The following ZBTB20 variants were observed in gnomAD, a reference collection of about 807,000 sequenced individuals.
ZBTB20 encodes the protein zinc finger and BTB domain containing 20, also known as zinc finger and BTB domain-containing protein 20.
Under a neutral mutation model 56.9 loss-of-function variants are expected in ZBTB20, and 9 were observed. The ratio of observed to expected loss-of-function variants is 0.16; its 90% CI spans 0.10 to 0.28. ZBTB20 has a LOEUF of 0.28. ZBTB20 is among the 10% of genes least tolerant of loss of function. The pLI is 1.00. For synonymous variants in ZBTB20, 417 were observed against 420.7 expected (o/e 0.99, Z 0.11); for missense variants, 655 against 1,003.0 (o/e 0.65, Z 4.69).
chr3:114,417,291 CA>C (rs1382327536), intron 7 of ZBTB20, among the ~76,000 whole-genome samples: 1 of 152,034 alleles, frequency 6.6e-6, no homozygotes, highest in Non-Finnish European at 1.5e-5. Flanking sequence ...TGCACATTTG[CA>C]CTTAATTACT....
intron 9 of ZBTB20, among the ~76,000 whole-genome samples, 185 bp downstream of exon 9, chr3:114,380,592 C>G (rs2084200637): frequency 6.6e-6 from 1 of 151,696 alleles, no homozygotes. Flanking sequence ...TAACTGGGAA[C>G]ACATGAAAGC....
Position 114,993,789 on chromosome 3 carries a change from T to A in ZBTB20, c.-506-19373A>T, listed in dbSNP as rs532468495. 2.0e-5 allele frequency among the ~76,000 whole-genome samples: 3 copies of A among 151,968 alleles called. No individual in the cohort carries two copies. In the South Asian group the frequency reaches 6.2e-4, roughly 32 times the overall value. ...TTAGTGGAAAATTTATGGCTTTAAA[T>A]GCATATATTAGATTTTTTAAATACG... On this transcript the variant is annotated intron_variant, in intron 2 of 11. Coordinates refer to ENST00000675478, the MANE Select transcript of ZBTB20 (RefSeq NM_001348800.3).
intron 1 of ZBTB20, among the ~76,000 whole-genome samples, chr3:115,145,203 G>C (rs1158987894): frequency 6.6e-6 from 1 of 152,152 alleles, no homozygotes; most frequent in Non-Finnish European, 1.5e-5. Context: ...CAACAACTTT[G>C]ATATATTCTA....
intron 1 of ZBTB20, among the ~76,000 whole-genome samples, chr3:115,083,964 C>T (rs981626517): frequency 1.3e-5 from 2 of 151,832 alleles, no homozygotes; most frequent in Non-Finnish European, 2.9e-5. Flanking sequence ...ATTCAACATG[C>T]TCATAACTGA....
rs571075600 is a variant in ZBTB20, at chr3:115,047,117, T to C, written c.-507+24102A>G. Among the ~76,000 whole-genome samples, 206 of 152,322 alleles carry C rather than the reference T, an allele frequency of 1.4e-3. 2 individuals are homozygous for C. The highest frequency in any genetic ancestry group is 7.7e-3 in the South Asian group (37 of 4,824). The stretch of plus-strand genomic sequence containing the variant: ...TCTCTGAACATATTTGTCATCATCT[T>C]TGAGGCTGATTTACCAGTTTTGAAG... On this transcript the variant is annotated intron_variant, in intron 2 of 11. Coordinates refer to ENST00000675478, the MANE Select transcript of ZBTB20 (RefSeq NM_001348800.3).
chr3:115,073,360 T>C (rs564588106), intron 1 of ZBTB20, among the ~76,000 whole-genome samples: 2 of 152,338 alleles, frequency 1.3e-5, no homozygotes, highest in South Asian at 4.1e-4. Context: ...AAATGGCTAC[T>C]AATATACGAT....
intron 2 of ZBTB20, among the ~76,000 whole-genome samples, chr3:115,038,428 G>A (rs545258034): frequency 2.8e-4 from 42 of 152,200 alleles, no homozygotes; most frequent in Non-Finnish European, 5.0e-4. Flanking sequence ...AATCTAACTA[G>A]AAAGCATAAA....
At chr3:114,668,357 G>C (rs759855532) in intron 6 of ZBTB20, among the ~76,000 whole-genome samples, 1 of 151,958 alleles carries the variant, frequency 6.6e-6, no homozygotes, top group African/African-American at 2.4e-5. Context: ...TGCTCCTATG[G>C]TTACTATGAG....
intron 7 of ZBTB20, among the ~76,000 whole-genome samples, chr3:114,427,977 A>G (rs2089826066): frequency 6.6e-6 from 1 of 152,210 alleles, no homozygotes; most frequent in African/African-American, 2.4e-5. Flanking sequence ...CCACAGCCAT[A>G]AAGTCACGGG....
intron 1 of ZBTB20, among the ~76,000 whole-genome samples, chr3:115,122,038 A>G (rs962173374): frequency 6.6e-6 from 1 of 152,110 alleles, no homozygotes; most frequent in South Asian, 2.1e-4. Flanking sequence ...TCTTCTGAGC[A>G]TTTAGAATCA....
intron 4 of ZBTB20, among the ~76,000 whole-genome samples, chr3:114,819,820 A>C (rs2073137120): frequency 6.6e-6 from 1 of 151,944 alleles, no homozygotes; most frequent in African/African-American, 2.4e-5. Flanking sequence ...ACATTTTCTC[A>C]CATAAAATCT....
At chr3:114,570,809 T>C (rs1003474687) in intron 6 of ZBTB20, among the ~76,000 whole-genome samples, 9 of 152,158 alleles carry the variant, frequency 5.9e-5, no homozygotes, top group Admixed American at 2.6e-4. Flanking sequence ...TTCATATTGA[T>C]TTGGACTGAG....
chr3:114,607,263 A>G (rs1335746217), intron 6 of ZBTB20, among the ~76,000 whole-genome samples: 5 of 151,968 alleles, frequency 3.3e-5, no homozygotes, highest in Admixed American at 2.6e-4. Flanking sequence ...TATGGATTTA[A>G]AAGTGTTAAT....
intron 7 of ZBTB20, among the ~76,000 whole-genome samples, chr3:114,491,152 T>C (rs562603439): frequency 6.6e-6 from 1 of 152,356 alleles, no homozygotes; most frequent in African/African-American, 2.4e-5. Flanking sequence ...CTTACTGGCC[T>C]CAGCTAGAAC....
intron 6 of ZBTB20, among the ~76,000 whole-genome samples, chr3:114,543,369 T>C (rs1010075214): frequency 6.6e-6 from 1 of 152,148 alleles, no homozygotes. Context: ...TTCTGAGTCC[T>C]TTTGTCTCTC....
At chr3:115,095,934 G>A (rs905284780) in intron 1 of ZBTB20, among the ~76,000 whole-genome samples, 1 of 152,114 alleles carries the variant, frequency 6.6e-6, no homozygotes, top group African/African-American at 2.4e-5. Flanking sequence ...TGGAGATTAT[G>A]CAAAATGCTA....
intron 4 of ZBTB20, among the ~76,000 whole-genome samples, chr3:114,826,389 C>T (rs1027366219): frequency 5.9e-5 from 9 of 151,718 alleles, no homozygotes; most frequent in Admixed American, 2.0e-4. Flanking sequence ...ATACCCCTAC[C>T]GGATAATCCC....
chr3:114,504,272 G>C (rs2044339931), intron 6 of ZBTB20, among the ~76,000 whole-genome samples: 1 of 152,074 alleles, frequency 6.6e-6, no homozygotes, highest in African/African-American at 2.4e-5. Context: ...GAGTAGAGGA[G>C]TACCGAGCAG....
chr3:114,386,738 A>G (rs1459871936), intron 8 of ZBTB20, among the ~76,000 whole-genome samples: 2 of 152,200 alleles, frequency 1.3e-5, no homozygotes, highest in Non-Finnish European at 2.9e-5. Flanking sequence ...GTCACACATC[A>G]GGGCAAAAGA....
Sources: allele counts gnomAD v4.1 joint callset (sites outside exome capture counted in the v4.1 genomes callset), GRCh38; gene constraint gnomAD v4.1.1; transcripts MANE v1.5; gene names NCBI Gene and HGNC (gene_info 2026-07-23, HGNC 2026-07-21).